MPEG1: variants seen among roughly 807,000 people sequenced by gnomAD.
The protein encoded by MPEG1 is macrophage-expressed gene 1 protein.
For missense variants in MPEG1, 876 were observed against 880.3 expected (o/e 1.00, Z 0.06); for synonymous variants, 365 against 351.9 (o/e 1.04, Z -0.42).
chr11:59,210,506 G>C lies in MPEG1; in HGVS notation c.*209C>G. ...ACATCTGCTTCCTATTTTAGTCCCA[G>C]AATCACTTTTGCTTCTAGTCCCAAC... is the stretch of plus-strand genomic sequence containing the variant. On this transcript the variant is annotated 3_prime_UTR_variant, in exon 1 of 1. Coordinates refer to ENST00000361050, the MANE Select transcript of MPEG1 (RefSeq NM_001039396.2). The C allele has an allele frequency of 1.8e-6, 1 of 556,312 alleles. No individual in the cohort carries two copies. The highest frequency in any genetic ancestry group is 3.2e-6 in the Non-Finnish European group (1 of 314,586). The allele number at this position is 556,312 out of a possible 1,614,324, so 34.5% of individuals were successfully genotyped here. A position where few individuals can be genotyped will look rare whatever the true frequency, so the allele number is the denominator to read the frequency against.
At position 59,211,115 on chromosome 11, in the gene MPEG1, G is replaced by T. The variant is rs1207663424; in HGVS notation, c.1751C>A (p.Thr584Lys). 1.2e-6 allele frequency: 2 copies of T among 1,614,098 alleles called. No homozygotes were observed. Among genetic ancestry groups the T allele is most frequent in the African/African-American group, 2.7e-5 (2 of 74,926 alleles). ...VSYCVKSGLFTGGSLPPARLP... is the reference protein window; with the variant it reads ...VSYCVKSGLFKGGSLPPARLP... The stretch of plus-strand genomic sequence containing the variant: ...CCTGGCAGGGGGCAGGGACCCTCCT[G>T]TGAAGAGCCCGGATTTGACGCAATA... The change falls in exon 1 of 1, where the codon ACA becomes AAA. Residue 584 changes from threonine to lysine, a missense_variant. Transcript: ENST00000361050.
In MPEG1 at chr11:59,211,899, G is replaced by A; in HGVS notation, c.967C>T (p.Pro323Ser). Residue 323 changes from proline (P) to serine (S), a missense_variant, in exon 1 of 1, where the codon CCA becomes TCA. By Grantham distance (74) the Pro-to-Ser change is moderately conservative. Coordinates refer to ENST00000361050, the MANE Select transcript of MPEG1 (RefSeq NM_001039396.2). ...GACACCTTCTTCACCAGGGGGCCTGGCAAGTCAGGTAGCATGTTGGGGTTG... is the reference window on the plus strand; with the variant it reads ...GACACCTTCTTCACCAGGGGGCCTGACAAGTCAGGTAGCATGTTGGGGTTG... ...FINPNMLPDL[P>S]GPLVKKVSKT... The A allele has an allele frequency of 1.9e-6, 3 of 1,614,070 alleles. No individual in the cohort carries two copies. The highest frequency in any genetic ancestry group is 2.5e-6 in the Non-Finnish European group (3 of 1,179,992).
At position 59,208,905 on chromosome 11, in the gene MPEG1, T is replaced by G. The variant is rs1348694211; in HGVS notation, c.*1810A>C. 6.6e-6 allele frequency: 1 copy of G among 152,230 alleles called. No homozygotes were observed. Among genetic ancestry groups the G allele is most frequent in the Non-Finnish European group, 1.5e-5 (1 of 68,044 alleles). The allele number at this position is 152,230 out of a possible 1,614,324, so 9.4% of individuals were successfully genotyped here. ...ACAAGTTTGTGAAGAACTTCTCATT[T>G]CAATAGGCAGTTAATGTAATGCATT... On this transcript the variant is annotated 3_prime_UTR_variant, in exon 1 of 1. Transcript: ENST00000361050.
rs769000235 is a variant in MPEG1, at chr11:59,210,941, A to G, written c.1925T>C (p.Met642Thr). Residue 642 changes from methionine to threonine, a missense_variant, in exon 1 of 1, where the codon ATG becomes ACG. By Grantham distance (81) the Met-to-Thr change is moderately conservative (BLOSUM62 -1). Transcript: ENST00000361050. Reference protein sequence around the residue: ...LGEPIELRRAMNVIHGDGGGL... With the variant: ...LGEPIELRRATNVIHGDGGGL... ...ACCACCATCCCCATGGATGACATTCATGGCCCTCCGCAGCTCTATCGGTTC... is the reference window on the plus strand; with the variant it reads ...ACCACCATCCCCATGGATGACATTCGTGGCCCTCCGCAGCTCTATCGGTTC... 1 of 1,614,112 alleles carries G rather than the reference A, an allele frequency of 6.2e-7. No individual in the cohort carries two copies. The highest frequency in any genetic ancestry group is 1.1e-5 in the South Asian group (1 of 91,082).
rs1565225763 is a variant in MPEG1, at chr11:59,212,278, G to A, written c.588C>T (p.Leu196=). Residue 196 remains leucine (L), a synonymous_variant, in exon 1 of 1, where the codon CTC becomes CTT. Coordinates refer to ENST00000361050, the MANE Select transcript of MPEG1 (RefSeq NM_001039396.2). ...QTRMATYLAE[L]LVLNYGTHVT... ...CGTGGGTGCCATAGTTGAGCACCAGGAGTTCTGCCAGGTAGGTGGCCATCC... is the reference window on the plus strand; with the variant it reads ...CGTGGGTGCCATAGTTGAGCACCAGAAGTTCTGCCAGGTAGGTGGCCATCC... 6.8e-6 allele frequency: 11 copies of A among 1,613,770 alleles called. No individual in the cohort carries two copies. The highest frequency in any genetic ancestry group is 9.3e-6 in the Non-Finnish European group (11 of 1,180,038).
Position 59,211,091 on chromosome 11 carries a change from C to G in MPEG1, c.1775G>C (p.Arg592Thr). 2 of 1,614,182 alleles carry G rather than the reference C, an allele frequency of 1.2e-6. No individual in the cohort carries two copies. The highest frequency in any genetic ancestry group is 1.7e-6 in the Non-Finnish European group (2 of 1,180,036). ...GGGTGGCCGGGTGAAAGGTGGGAGCCTGGCAGGGGGCAGGGACCCTCCTGT... is the reference window on the plus strand; with the variant it reads ...GGGTGGCCGGGTGAAAGGTGGGAGCGTGGCAGGGGGCAGGGACCCTCCTGT... ...LFTGGSLPPARLPPFTRPPLM... is the reference protein window; with the variant it reads ...LFTGGSLPPATLPPFTRPPLM... Residue 592 changes from arginine (R) to threonine (T), a missense_variant, in exon 1 of 1, where the codon AGG becomes ACG. Physicochemically the swap from Arg to Thr is moderately conservative, Grantham distance 71. Transcript: ENST00000361050.
Position 59,212,652 on chromosome 11 carries a change from T to C in MPEG1, c.214A>G (p.Thr72Ala), listed in dbSNP as rs1427159208. 3 of 1,614,138 alleles carry C rather than the reference T, an allele frequency of 1.9e-6. No homozygotes were observed. The highest frequency in any genetic ancestry group is 2.5e-6 in the Non-Finnish European group (3 of 1,180,054). The change falls in exon 1 of 1, where the codon ACA (threonine) becomes GCA (alanine). Residue 72 changes from threonine to alanine, a missense_variant. Thr to Ala is a moderately conservative substitution (Grantham distance 58). Transcript: ENST00000361050. ...VMELTYSNCR[T>A]TEDGQYIIPD... ...ATGATATACTGTCCATCCTCTGTTG[T>C]CCTGCAGTTGGAGTAAGTCAATTCC...
Position 59,211,276 on chromosome 11 carries a change from C to A in MPEG1, c.1590G>T (p.Gly530=), listed in dbSNP as rs1231118467. The part of the protein sequence containing the change: ...LGSRFAVPFG[G]FFSCTVGNPL... ...GGTTCCCAACTGTGCAGCTAAAGAA[C>A]CCGCCAAAGGGGACCGCAAACCTGC... The change falls in exon 1 of 1, where the codon GGG becomes GGT. Residue 530 remains glycine, a synonymous_variant. Coordinates refer to ENST00000361050, the MANE Select transcript of MPEG1 (RefSeq NM_001039396.2). 3 of 1,614,082 alleles carry A rather than the reference C, an allele frequency of 1.9e-6. No individual in the cohort carries two copies. Among genetic ancestry groups the A allele is most frequent in the Non-Finnish European group, 2.5e-6 (3 of 1,180,040 alleles).
rs1031507811 is a variant in MPEG1, at chr11:59,208,782, A to G, written c.*1933T>C. ...ACGACTTGATGAATGCAATTGGCAA[A>G]CTCCCATGTTCGGACTTCATATGCA... On this transcript the variant is annotated 3_prime_UTR_variant, in exon 1 of 1. Coordinates refer to ENST00000361050, the MANE Select transcript of MPEG1 (RefSeq NM_001039396.2). 15 of 152,100 alleles carry G rather than the reference A, an allele frequency of 9.9e-5. No homozygotes were observed. Among genetic ancestry groups the G allele is most frequent in the Non-Finnish European group, 1.3e-4 (9 of 68,004 alleles). 9.4% of individuals were successfully genotyped at this position (152,100 alleles called of 1,614,324 possible). A position where few individuals can be genotyped will look rare whatever the true frequency, so the allele number is the denominator to read the frequency against.
At position 59,211,505 on chromosome 11, in the gene MPEG1, T is replaced by G; in HGVS notation, c.1361A>C (p.Gln454Pro). The G allele has an allele frequency of 1.2e-6, 2 of 1,614,212 alleles. No homozygotes were observed. The highest frequency in any genetic ancestry group is 2.2e-5 in the South Asian group (2 of 91,084). The stretch of plus-strand genomic sequence containing the variant: ...AGCCCTAAATTCAGCTTTTGCCACC[T>G]GGAACACATCTTCACACACGGTCTT... ...FCKTVCEDVF[Q>P]VAKAEFRAFW... is the part of the protein sequence containing the mutation. Residue 454 changes from glutamine to proline, a missense_variant, in exon 1 of 1, where the codon CAG becomes CCG. Transcript: ENST00000361050.
Position 59,210,788 on chromosome 11 carries a change from C to T in MPEG1, c.2078G>A (p.Arg693Lys). The change falls in exon 1 of 1, where the codon AGG becomes AAG. Residue 693 changes from arginine to lysine, a missense_variant. Transcript: ENST00000361050. ...KKKAYQAIEERQSLVPGTAAT... is the reference protein window; with the variant it reads ...KKKAYQAIEEKQSLVPGTAAT... ...TGCAGTGCCTGGAACCAAACTCTGCCTTTCCTCAATTGCCTGATATGCTTT... is the reference window on the plus strand; with the variant it reads ...TGCAGTGCCTGGAACCAAACTCTGCTTTTCCTCAATTGCCTGATATGCTTT... The T allele has an allele frequency of 6.2e-7, 1 of 1,614,174 alleles. No individual in the cohort carries two copies. Among genetic ancestry groups the T allele is most frequent in the Non-Finnish European group, 8.5e-7 (1 of 1,180,034 alleles).
In MPEG1 at chr11:59,211,419, AGAG is replaced by A. The variant is rs749776681; in HGVS notation, c.1444_1446del (p.Leu482del). On this transcript the variant is annotated inframe_deletion, in exon 1 of 1. Coordinates refer to ENST00000361050, the MANE Select transcript of MPEG1 (RefSeq NM_001039396.2). ...ATGGGGTTTATGCTCTTGCTGCTGA[AGAG>A]GCCCCCAAAAAGCAGTCCTGAGTTT... 27 of 1,614,090 alleles carry A rather than the reference AGAG, an allele frequency of 1.7e-5. No homozygotes were observed. Among genetic ancestry groups the A allele is most frequent in the Middle Eastern group, 1.6e-4 (1 of 6,084 alleles).
rs907661600 is a variant in MPEG1, at chr11:59,210,060, T to C, written c.*655A>G. 7.9e-5 allele frequency: 12 copies of C among 152,182 alleles called. No homozygotes were observed. Among genetic ancestry groups the C allele is most frequent in the African/African-American group, 2.9e-4 (12 of 41,422 alleles). The allele number at this position is 152,182 out of a possible 1,614,324, so 9.4% of individuals were successfully genotyped here. A position where few individuals can be genotyped will look rare whatever the true frequency, so the allele number is the denominator to read the frequency against. ...TAACTTAAAATATTTTCTGAGGACT[T>C]GATGACACCAGTCAGAAGTCCAAGA... On this transcript the variant is annotated 3_prime_UTR_variant, in exon 1 of 1. Transcript: ENST00000361050.
rs1440233643 is a variant in MPEG1, at chr11:59,212,627, A to T, written c.239T>A (p.Ile80Asn). 4 of 1,614,086 alleles carry T rather than the reference A, an allele frequency of 2.5e-6. No individual in the cohort carries two copies. The African/African-American group carries it at 4.0e-5, about 16-fold the overall frequency. ...CRTTEDGQYI[I>N]PDEIFTIPQK... ...GGGAATGGTGAAGATTTCATCAGGG[A>T]TGATATACTGTCCATCCTCTGTTGT... Residue 80 changes from isoleucine to asparagine, a missense_variant, in exon 1 of 1, where the codon ATC becomes AAC. Coordinates refer to ENST00000361050, the MANE Select transcript of MPEG1 (RefSeq NM_001039396.2).
chr11:59,212,164 A>C lies in MPEG1; in HGVS notation c.702T>G (p.Ser234Arg). 2 of 1,614,208 alleles carry C rather than the reference A, an allele frequency of 1.2e-6. No homozygotes were observed. Reference sequence around the variant, plus strand: ...CAAGTCCAGCAGAGGCGGTCACGGCACTACGACTGCTCTGGCTGTCTTGGA... The same window carrying C: ...CAAGTCCAGCAGAGGCGGTCACGGCCCTACGACTGCTCTGGCTGTCTTGGA... ...SFLQDSQSSR[S>R]AVTASAGLAF... Residue 234 changes from serine to arginine, a missense_variant, in exon 1 of 1, where the codon AGT (serine) becomes AGG (arginine). Coordinates refer to ENST00000361050, the MANE Select transcript of MPEG1 (RefSeq NM_001039396.2).
Position 59,211,472 on chromosome 11 carries a change from C to G in MPEG1, c.1394G>C (p.Cys465Ser), listed in dbSNP as rs768109882. Residue 465 changes from cysteine to serine, a missense_variant, in exon 1 of 1, where the codon TGT becomes TCT. Coordinates refer to ENST00000361050, the MANE Select transcript of MPEG1 (RefSeq NM_001039396.2). Reference protein sequence around the residue: ...VAKAEFRAFWCVASSQVPENS... With the variant: ...VAKAEFRAFWSVASSQVPENS... The stretch of plus-strand genomic sequence containing the variant: ...TTCAGGTACTTGGCTGCTGGCCACA[C>G]ACCAAAAAGCCCTAAATTCAGCTTT... 1 of 1,614,206 alleles carries G rather than the reference C, an allele frequency of 6.2e-7. No homozygotes were observed. The highest frequency in any genetic ancestry group is 2.2e-5 in the East Asian group (1 of 44,882).
At position 59,211,150 on chromosome 11, in the gene MPEG1, G is replaced by C. The variant is rs199723583; in HGVS notation, c.1716C>G (p.Cys572Trp). 2.5e-6 allele frequency: 4 copies of C among 1,614,210 alleles called. No homozygotes were observed. The Admixed American group carries it at 6.7e-5, about 27-fold the overall frequency. The change falls in exon 1 of 1, where the codon TGC (cysteine) becomes TGG (tryptophan). Residue 572 changes from cysteine (C) to tryptophan (W), a missense_variant. Physicochemically the swap from Cys to Trp is radical, Grantham distance 215. Transcript: ENST00000361050. ...CGGATTTGACGCAATAGGACACTTG[G>C]CATCCATCGCTGATGAGGGCTGGGT... ...SQHPALISDG[C>W]QVSYCVKSGL...
At position 59,212,825 on chromosome 11, in the gene MPEG1, G is replaced by T. The variant is rs776166917; in HGVS notation, c.41C>A (p.Ala14Glu). ...AGGCTTGCCTGATTTAGCCCATGCTGCCGCTGCCCAGAAGAGGATGGTGGC... is the reference window on the plus strand; with the variant it reads ...AGGCTTGCCTGATTTAGCCCATGCTTCCGCTGCCCAGAAGAGGATGGTGGC... ...FRATILFWAA[A>E]AWAKSGKPSG... is the part of the protein sequence containing the mutation. Residue 14 changes from alanine (A) to glutamate (E), a missense_variant, in exon 1 of 1, where the codon GCA (alanine) becomes GAA (glutamate). Physicochemically the swap from Ala to Glu is moderately radical, Grantham distance 107 (BLOSUM62 -1). Transcript: ENST00000361050. 6.2e-7 allele frequency: 1 copy of T among 1,614,190 alleles called. No homozygotes were observed. Among genetic ancestry groups the T allele is most frequent in the Non-Finnish European group, 8.5e-7 (1 of 1,180,020 alleles).
Position 59,208,662 on chromosome 11 carries a change from T to A in MPEG1, c.*2053A>T, listed in dbSNP as rs1862847089. On this transcript the variant is annotated 3_prime_UTR_variant, in exon 1 of 1. Transcript: ENST00000361050. ...GTTTTCTTGGAAGCCAGGGTTGGTC[T>A]CCCCACAGACCCCAGGCTAAGGTCA... 6.6e-6 allele frequency: 1 copy of A among 152,130 alleles called. No homozygotes were observed. The highest frequency in any genetic ancestry group is 1.5e-5 in the Non-Finnish European group (1 of 68,030). 9.4% of individuals were successfully genotyped at this position (152,130 alleles called of 1,614,324 possible). A position where few individuals can be genotyped will look rare whatever the true frequency, so the allele number is the denominator to read the frequency against.
Sources: gnomAD v4.1 joint callset for allele counts on GRCh38, gnomAD v4.1.1 for gene constraint, MANE v1.5 for transcripts, NCBI Gene and HGNC (gene_info 2026-07-23, HGNC 2026-07-21) for gene names.